Variants in TMEM131 observed in about 807,000 individuals in gnomAD.
TMEM131 encodes the protein 2610524E03Rik.
Under a neutral mutation model 211.6 loss-of-function variants are expected in TMEM131, and 66 were observed. The ratio of observed to expected loss-of-function variants is 0.31; its 90% confidence interval spans 0.26 to 0.38. The LOEUF (loss-of-function observed/expected upper bound fraction) is 0.38, where lower values mean the gene tolerates loss of function less well. Ranked by LOEUF, TMEM131 falls within the 10% of genes least tolerant of loss-of-function variation. The pLI, the probability that TMEM131 is intolerant of heterozygous loss-of-function variation, is 1.00. For missense variants in TMEM131, 2,036 were observed against 2,299.3 expected (o/e 0.89, Z 2.34); for synonymous variants, 844 against 841.3 (o/e 1.00, Z -0.06).
chr2:97,760,254 C>T (rs556224170), intron 38 of TMEM131: 21 of 312,142 alleles, frequency 6.7e-5, no homozygotes, highest in Admixed American at 3.3e-4. Context: ...TTCCCCCCTC[C>T]CAAGTCACTT....
intron 3 of TMEM131, among the ~76,000 whole-genome samples, chr2:97,891,609 T>C (rs1675378489): frequency 6.6e-6 from 1 of 152,202 alleles, no homozygotes; most frequent in African/African-American, 2.4e-5. Flanking sequence ...GAAATGGTCA[T>C]ACTGCTTGTT....
At position 97,792,910 on chromosome 2, in the gene TMEM131, C is replaced by T; in HGVS notation, c.3620G>A (p.Ser1207Asn). ...GCCACACTGCTTATGACTCCCGGCA[C>T]TGGGTCGGGATGATGAACCGCCTGC... is the stretch of plus-strand genomic sequence containing the variant. ...CGAGGSSSRP[S>N]AGSHKQCGPS... Residue 1207 changes from serine (S) to asparagine (N), a missense_variant, in exon 31 of 41, where the codon AGT becomes AAT. This residue lies in a region of TMEM131 where 1,623 missense variants were observed against 1,805.9 expected (regional missense o/e 0.90). Coordinates refer to ENST00000186436, the MANE Select transcript of TMEM131 (RefSeq NM_015348.2). 6.2e-7 allele frequency: 1 copy of T among 1,612,660 alleles called. No homozygotes were observed. The highest frequency in any genetic ancestry group is 8.5e-7 in the Non-Finnish European group (1 of 1,179,632).
chr2:97,976,855 A>C (rs965128240), intron 1 of TMEM131, among the ~76,000 whole-genome samples: 4 of 151,964 alleles, frequency 2.6e-5, no homozygotes, highest in African/African-American at 9.7e-5. Flanking sequence ...ACACATGTAC[A>C]TGCAATTGCT....
chr2:97,937,445 G>A (rs1677497622), intron 1 of TMEM131, among the ~76,000 whole-genome samples: 1 of 152,052 alleles, frequency 6.6e-6, no homozygotes, highest in African/African-American at 2.4e-5. Context: ...TACAACAGGA[G>A]TCTCAGAAGA....
chr2:97,807,747 C>A (rs1681377267), intron 19 of TMEM131, among the ~76,000 whole-genome samples: 1 of 152,152 alleles, frequency 6.6e-6, no homozygotes, highest in African/African-American at 2.4e-5. Flanking sequence ...TGAACTTTTC[C>A]CTGCCAGAGT....
intron 1 of TMEM131, among the ~76,000 whole-genome samples, chr2:97,986,220 G>C (rs562819973): frequency 6.6e-6 from 1 of 152,296 alleles, no homozygotes; most frequent in East Asian, 1.9e-4. Flanking sequence ...GGTAAGAAAA[G>C]AGTAACAGCC....
intron 1 of TMEM131, among the ~76,000 whole-genome samples, chr2:97,940,290 A>G (rs1199726643): frequency 6.6e-6 from 1 of 152,184 alleles, no homozygotes; most frequent in African/African-American, 2.4e-5. Flanking sequence ...TCTCAGCCCC[A>G]AATCTCAAGC....
intron 1 of TMEM131, among the ~76,000 whole-genome samples, chr2:97,980,848 T>C (rs536300336): frequency 2.0e-5 from 3 of 151,886 alleles, no homozygotes; most frequent in South Asian, 4.2e-4. Flanking sequence ...TTCATTTATA[T>C]GACATTCTCA....
chr2:97,964,566 T>C (rs888941250), intron 1 of TMEM131, among the ~76,000 whole-genome samples: 7 of 152,324 alleles, frequency 4.6e-5, no homozygotes, highest in Admixed American at 1.3e-4. Context: ...AAACACACAT[T>C]TGAAATATAC....
chr2:97,876,540 G>C (rs1250136202), intron 4 of TMEM131, among the ~76,000 whole-genome samples: 1 of 152,150 alleles, frequency 6.6e-6, no homozygotes, highest in Non-Finnish European at 1.5e-5. Flanking sequence ...GGAAAGGCTG[G>C]TTCAACATAA....
intron 1 of TMEM131, among the ~76,000 whole-genome samples, chr2:97,968,450 G>T (rs1253957582): frequency 6.6e-6 from 1 of 152,134 alleles, no homozygotes; most frequent in Non-Finnish European, 1.5e-5. Flanking sequence ...ACTTTCAACT[G>T]AATTGAGACT....
chr2:97,782,694 T>C (rs1680066852), intron 31 of TMEM131, among the ~76,000 whole-genome samples: 1 of 151,190 alleles, frequency 6.6e-6, no homozygotes, highest in South Asian at 2.1e-4. Flanking sequence ...ATATAGTAAC[T>C]GAAATAAAAA....
chr2:97,908,363 A>G (rs554934333), intron 3 of TMEM131, among the ~76,000 whole-genome samples: 113 of 152,306 alleles, frequency 7.4e-4, no homozygotes, highest in African/African-American at 2.5e-3. Context: ...GGATAGCCAC[A>G]AGAGAAGCCT....
chr2:97,955,685 G>A (rs551847772), intron 1 of TMEM131, among the ~76,000 whole-genome samples: 1 of 151,750 alleles, frequency 6.6e-6, no homozygotes, highest in Non-Finnish European at 1.5e-5. Flanking sequence ...TTAAAAACAA[G>A]ACACTATATA....
At chr2:97,899,109 G>T (rs1333867202) in intron 3 of TMEM131, among the ~76,000 whole-genome samples, 1 of 151,776 alleles carries the variant, frequency 6.6e-6, no homozygotes, top group Admixed American at 6.6e-5. Context: ...TGGGATTGTT[G>T]TATCTACCTG....
chr2:97,861,073 C>T (rs578117363), intron 4 of TMEM131, among the ~76,000 whole-genome samples: 30 of 152,266 alleles, frequency 2.0e-4, no homozygotes, highest in African/African-American at 6.5e-4. Flanking sequence ...CTGAACTCAG[C>T]GGTCGCCTGC....
At chr2:97,916,957 A>G (rs1283043362) in intron 2 of TMEM131, among the ~76,000 whole-genome samples, 1 of 152,210 alleles carries the variant, frequency 6.6e-6, no homozygotes, top group Non-Finnish European at 1.5e-5. Flanking sequence ...CAAATTTTCT[A>G]CAAGCTTATA....
intron 1 of TMEM131, among the ~76,000 whole-genome samples, chr2:97,961,072 T>C (rs1678792682): frequency 6.6e-6 from 1 of 151,696 alleles, no homozygotes; most frequent in Non-Finnish European, 1.5e-5. Context: ...TCGTACTTGA[T>C]GGTCAAAGAC....
Position 97,834,828 on chromosome 2 carries a change from G to C in TMEM131, c.902C>G (p.Ala301Gly). Reference protein sequence around the residue: ...HTAFIRIKTNASDSTEFIILP... With the variant: ...HTAFIRIKTNGSDSTEFIILP... The stretch of plus-strand genomic sequence containing the variant: ...AATGATAAACTCTGTGCTGTCTGAA[G>C]CATTAGTCTTTATTCTTATGAAGGC... The change falls in exon 9 of 41, where the codon GCT becomes GGT. Residue 301 changes from alanine to glycine, a missense_variant. Ala to Gly is a moderately conservative substitution (Grantham distance 60). Transcript: ENST00000186436. 1 of 1,613,810 alleles carries C rather than the reference G, an allele frequency of 6.2e-7. No homozygotes were observed. Among genetic ancestry groups the C allele is most frequent in the African/African-American group, 1.3e-5 (1 of 75,044 alleles).
Sources: allele counts gnomAD v4.1 joint callset (sites outside exome capture counted in the v4.1 genomes callset), GRCh38; gene constraint gnomAD v4.1.1; regional missense constraint gnomAD v4.1.1; transcripts MANE v1.5; gene names NCBI Gene and HGNC (gene_info 2026-07-23, HGNC 2026-07-21).